SULF1: variants seen among roughly 807,000 people sequenced by gnomAD.
The protein encoded by SULF1 is extracellular sulfatase Sulf-1.
SULF1 carries 46 observed loss-of-function variants against 110.5 expected under a neutral mutation model. That is an observed-to-expected ratio of 0.42 (90% CI 0.33 to 0.53). The LOEUF is 0.53. SULF1 is among the 20% of genes least tolerant of loss of function. SULF1 has a pLI of 0.12. For synonymous variants in SULF1, 371 were observed against 387.1 expected, an observed-to-expected ratio of 0.96 and a Z score of 0.49; for missense variants, 941 against 1,094.2, an observed-to-expected ratio of 0.86 and a Z score of 1.98.
chr8:69,477,438 C>T (rs1214750221), intron 1 of SULF1, among the ~76,000 whole-genome samples: 1 of 152,160 alleles, frequency 6.6e-6, no homozygotes, highest in Non-Finnish European at 1.5e-5. Flanking sequence ...ACTGTCATAA[C>T]CCCTTTGGAA....
upstream of SULF1, among the ~76,000 whole-genome samples, chr8:69,490,545 G>A (rs957050465): frequency 4.6e-5 from 7 of 152,156 alleles, no homozygotes; most frequent in Admixed American, 3.9e-4. Context: ...TAAAGTCCAA[G>A]CCAGATTGCC....
At chr8:69,578,054 G>C (rs566592566) in intron 6 of SULF1, among the ~76,000 whole-genome samples, 1 of 152,050 alleles carries the variant, frequency 6.6e-6, no homozygotes, top group East Asian at 1.9e-4. Context: ...GTAGGGAAAG[G>C]TGGAATATTT....
At chr8:69,582,160 C>A (rs539346689) in intron 6 of SULF1, among the ~76,000 whole-genome samples, 1 of 152,090 alleles carries the variant, frequency 6.6e-6, no homozygotes, top group Admixed American at 6.5e-5. Flanking sequence ...AACAAAAAAA[C>A]CCCAACAATG....
At chr8:69,596,757 G>A (rs2130355718) in intron 8 of SULF1, among the ~76,000 whole-genome samples, 1 of 152,220 alleles carries the variant, frequency 6.6e-6, no homozygotes, top group South Asian at 2.1e-4. Flanking sequence ...TGTAACATGG[G>A]ACTAATGTGC....
chr8:69,554,155 G>C (rs1182939991), intron 3 of SULF1, among the ~76,000 whole-genome samples: 1 of 152,186 alleles, frequency 6.6e-6, no homozygotes, highest in Non-Finnish European at 1.5e-5. Context: ...TGCTGTTCTT[G>C]CATATGCTGA....
intron 3 of SULF1, among the ~76,000 whole-genome samples, chr8:69,523,121 T>A: frequency 6.6e-6 from 1 of 152,188 alleles, no homozygotes; most frequent in East Asian, 1.9e-4. Flanking sequence ...TTGCTGGAGC[T>A]GTGGTTCTGA....
At chr8:69,486,203 G>A (rs545531755) in intron 1 of SULF1, among the ~76,000 whole-genome samples, 61 of 152,106 alleles carry the variant, frequency 4.0e-4, no homozygotes, top group Non-Finnish European at 7.5e-4. Context: ...TCTCAGAAAA[G>A]GAAGGAGAAA....
intron 13 of SULF1, among the ~76,000 whole-genome samples, chr8:69,616,128 G>GTGTA (rs559983234): frequency 4.6e-5 from 6 of 129,248 alleles, no homozygotes; most frequent in African/African-American, 1.7e-4. Flanking sequence ...TATATAATGT[G>GTGTA]TATATATATA....
At chr8:69,559,588 T>C (rs993343129) in intron 3 of SULF1, among the ~76,000 whole-genome samples, 6 of 152,248 alleles carry the variant, frequency 3.9e-5, no homozygotes, top group Non-Finnish European at 7.3e-5. Context: ...TAGGCTCATT[T>C]CATTCATTAT....
rs1815685180 is a variant in SULF1, at chr8:69,563,918, C to T, written c.-58C>T. 1 of 1,574,230 alleles carries T rather than the reference C, an allele frequency of 6.4e-7. No individual in the cohort carries two copies. Among genetic ancestry groups the T allele is most frequent in the Non-Finnish European group, 8.7e-7 (1 of 1,148,120 alleles). On this transcript the variant is annotated splice_region_variant and 5_prime_UTR_variant, in exon 5 of 23. Coordinates refer to ENST00000402687, the MANE Select transcript of SULF1 (RefSeq NM_001128205.2). ...TCCGTTTTTCTCTGACTGCCCAGAACTCCAGAAATCAGGAGACGGAGACAT... is the reference window on the plus strand; with the variant it reads ...TCCGTTTTTCTCTGACTGCCCAGAATTCCAGAAATCAGGAGACGGAGACAT...
At chr8:69,632,302 T>C (rs975636863) in intron 19 of SULF1, among the ~76,000 whole-genome samples, 1 of 152,082 alleles carries the variant, frequency 6.6e-6, no homozygotes, top group African/African-American at 2.4e-5. Context: ...CAGAATTTTT[T>C]CCCAAAAAGC....
chr8:69,644,900 C>T (rs953361671), intron 22 of SULF1, among the ~76,000 whole-genome samples: 2 of 152,204 alleles, frequency 1.3e-5, no homozygotes, highest in Admixed American at 1.3e-4. Flanking sequence ...GTTCTCCTCT[C>T]CCTGTCACAT....
At chr8:69,551,307 T>C (rs973182375) in intron 3 of SULF1, among the ~76,000 whole-genome samples, 1 of 152,346 alleles carries the variant, frequency 6.6e-6, no homozygotes, top group Non-Finnish European at 1.5e-5. Context: ...AGCATTGCTC[T>C]GGCCCCTGTC....
At chr8:69,498,545 A>C (rs1810549824) in intron 2 of SULF1, among the ~76,000 whole-genome samples, 1 of 152,154 alleles carries the variant, frequency 6.6e-6, no homozygotes, top group Non-Finnish European at 1.5e-5. Flanking sequence ...CTGACCAGAG[A>C]GATGAGACCA....
chr8:69,512,462 T>G (rs1811629446), intron 3 of SULF1, among the ~76,000 whole-genome samples: 1 of 152,184 alleles, frequency 6.6e-6, no homozygotes, highest in African/African-American at 2.4e-5. Flanking sequence ...AAATATGGTA[T>G]TGTAAAAAGA....
At chr8:69,543,180 A>G (rs1813979489) in intron 3 of SULF1, among the ~76,000 whole-genome samples, 1 of 152,162 alleles carries the variant, frequency 6.6e-6, no homozygotes, top group Non-Finnish European at 1.5e-5. Context: ...GCAAATATAT[A>G]AATTAAGCCC....
chr8:69,575,956 A>T lies in SULF1; in HGVS notation c.173-14A>T, dbSNP rs775261583. The T allele has an allele frequency of 6.2e-7, 1 of 1,612,930 alleles. No homozygotes were observed. Among genetic ancestry groups the T allele is most frequent in the African/African-American group, 1.3e-5 (1 of 74,930 alleles). ...CTGCACTTTGCTAAACAATGCTGGCACTGTGCCTTTCAGGGTCCCTGCAAG... is the reference window on the plus strand; with the variant it reads ...CTGCACTTTGCTAAACAATGCTGGCTCTGTGCCTTTCAGGGTCCCTGCAAG... On this transcript the variant is annotated splice_polypyrimidine_tract_variant and intron_variant, in intron 5 of 22. Transcript: ENST00000402687.
At chr8:69,476,474 C>A (rs138083210) in intron 1 of SULF1, among the ~76,000 whole-genome samples, 2 of 152,274 alleles carry the variant, frequency 1.3e-5, no homozygotes, top group African/African-American at 4.8e-5. Context: ...ATGTTGGAGG[C>A]AGCATGACTG....
chr8:69,653,848 TG>T (rs1691457086), intron 22 of SULF1, among the ~76,000 whole-genome samples: 1 of 152,216 alleles, frequency 6.6e-6, no homozygotes, highest in Admixed American at 6.5e-5. Flanking sequence ...CTCTGTGAAC[TG>T]GGGGTAGACC....
Sources: allele counts gnomAD v4.1 joint callset (sites outside exome capture counted in the v4.1 genomes callset), GRCh38; gene constraint gnomAD v4.1.1; transcripts MANE v1.5; gene names NCBI Gene and HGNC (gene_info 2026-07-23, HGNC 2026-07-21).